The following NCAM2 variants were observed in gnomAD, a reference collection of about 807,000 sequenced individuals.
NCAM2 encodes neural cell adhesion molecule 2, also known as N-CAM-2.
In NCAM2, 30 loss-of-function variants were observed where a neutral mutation model predicts 98.1. That is an observed-to-expected ratio of 0.31 (90% confidence interval 0.23 to 0.41). NCAM2 has a LOEUF of 0.41. NCAM2 is among the 10% of genes least tolerant of loss of function. NCAM2 has a pLI of 1.00. For synonymous variants in NCAM2, 368 were observed against 342.4 expected, an observed-to-expected ratio of 1.07 and a Z score of -0.83; for missense variants, 867 against 1,005.8, an observed-to-expected ratio of 0.86 and a Z score of 1.87.
chr21:21,480,163 G>C (rs1346677519), intron 15 of NCAM2, among the ~76,000 whole-genome samples: 4 of 151,792 alleles, frequency 2.6e-5, no homozygotes, highest in Non-Finnish European at 5.9e-5. Flanking sequence ...TCAGGAGATC[G>C]AGACCATCCT....
At chr21:21,364,250 T>C (rs1444616686) in intron 8 of NCAM2, among the ~76,000 whole-genome samples, 2 of 151,958 alleles carry the variant, frequency 1.3e-5, no homozygotes, top group African/African-American at 4.8e-5. Context: ...TTCCAATAAA[T>C]ATAGGCATAT....
At position 21,150,141 on chromosome 21, in the gene NCAM2, A is replaced by T. The variant is rs186748734; in HGVS notation, c.56-130437A>T. ...AAATATTTTGTGTTTTTATTACTGT[A>T]AATGGTATTGTGTTTATAGCAAAGG... On this transcript the variant is annotated intron_variant, in intron 1 of 17. Transcript: ENST00000400546. Among the ~76,000 whole-genome samples, 9 of 152,290 alleles carry T rather than the reference A, an allele frequency of 5.9e-5. No homozygotes were observed. The East Asian group carries it at 1.7e-3, about 29-fold the overall frequency.
chr21:21,237,382 G>A (rs2070873804), intron 1 of NCAM2, among the ~76,000 whole-genome samples: 2 of 152,010 alleles, frequency 1.3e-5, no homozygotes, highest in South Asian at 4.2e-4. Flanking sequence ...AAAACTCTGG[G>A]CAGGTTTAAA....
intron 1 of NCAM2, among the ~76,000 whole-genome samples, chr21:21,058,267 G>A (rs951757375): frequency 4.0e-5 from 6 of 151,576 alleles, no homozygotes; most frequent in African/African-American, 1.2e-4. Context: ...ATTAAAGTTC[G>A]AAATACTGGG....
chr21:21,532,069 T>G (rs896750335), intron 16 of NCAM2, among the ~76,000 whole-genome samples: 1 of 151,888 alleles, frequency 6.6e-6, no homozygotes, highest in Non-Finnish European at 1.5e-5. Context: ...GTGTTTCAAA[T>G]ATAGCCAACC....
intron 12 of NCAM2, among the ~76,000 whole-genome samples, chr21:21,460,339 G>T (rs1456270699): frequency 6.6e-6 from 1 of 151,880 alleles, no homozygotes; most frequent in Non-Finnish European, 1.5e-5. Context: ...AAACTCTGAT[G>T]CTTAGTGGCT....
chr21:21,296,566 A>G (rs893702332), intron 5 of NCAM2, among the ~76,000 whole-genome samples: 3 of 151,820 alleles, frequency 2.0e-5, no homozygotes, highest in Non-Finnish European at 4.4e-5. Context: ...ATGACCATCG[A>G]TGCTTTATTA....
At chr21:21,074,533 A>G (rs1384205741) in intron 1 of NCAM2, among the ~76,000 whole-genome samples, 1 of 152,174 alleles carries the variant, frequency 6.6e-6, no homozygotes, top group Non-Finnish European at 1.5e-5. Context: ...ATCAGGTGGA[A>G]AGGGATCTCC....
In NCAM2 at chr21:21,283,480, T is replaced by C. The variant is rs371466222; in HGVS notation, c.131-714T>C. Among the ~76,000 whole-genome samples the C allele has an allele frequency of 2.5e-4, 38 of 152,060 alleles. No individual in the cohort carries two copies. The South Asian group carries it at 7.7e-3, about 31-fold the overall frequency. ...GGAAAACTTAAATAAATGTTTACCC[T>C]GTAATGATTTGGTTGTAATTACCTA... On this transcript the variant is annotated intron_variant, in intron 2 of 17. Coordinates refer to ENST00000400546, the MANE Select transcript of NCAM2 (RefSeq NM_004540.5).
intron 1 of NCAM2, among the ~76,000 whole-genome samples, chr21:21,081,656 C>G (rs1479179586): frequency 6.6e-6 from 1 of 151,762 alleles, no homozygotes. Context: ...CAAAACGTAG[C>G]CAGGCGTGGC....
chr21:21,171,658 T>C lies in NCAM2; in HGVS notation c.56-108920T>C, dbSNP rs567015826. On this transcript the variant is annotated intron_variant, in intron 1 of 17. Transcript: ENST00000400546. ...AAGAAAATATTTGATGCTACCATTTTTCGAGGTCAGTAGGCATCTGACAAG... is the reference window on the plus strand; with the variant it reads ...AAGAAAATATTTGATGCTACCATTTCTCGAGGTCAGTAGGCATCTGACAAG... Among the ~76,000 whole-genome samples, 9 of 152,298 alleles carry C rather than the reference T, an allele frequency of 5.9e-5. No individual in the cohort carries two copies. In the East Asian group the frequency reaches 1.4e-3, roughly 23 times the overall value.
chr21:21,190,997 A>G (rs992460011), intron 1 of NCAM2, among the ~76,000 whole-genome samples: 2 of 152,208 alleles, frequency 1.3e-5, no homozygotes, highest in Non-Finnish European at 2.9e-5. Context: ...TACATACAGT[A>G]TTTATTAGAT....
At chr21:21,333,766 A>G (rs2074779203) in intron 6 of NCAM2, among the ~76,000 whole-genome samples, 4 of 152,038 alleles carry the variant, frequency 2.6e-5, no homozygotes, top group Admixed American at 2.6e-4. Flanking sequence ...TATTATTATT[A>G]TTATTAGGAA....
chr21:21,462,050 T>C (rs1983048115), intron 12 of NCAM2, among the ~76,000 whole-genome samples: 1 of 152,090 alleles, frequency 6.6e-6, no homozygotes, highest in South Asian at 2.1e-4. Flanking sequence ...TTTAATTGTT[T>C]ACAGATCAAA....
intron 16 of NCAM2, among the ~76,000 whole-genome samples, chr21:21,521,140 C>G (rs1486531825): frequency 1.3e-5 from 2 of 152,104 alleles, no homozygotes; most frequent in Admixed American, 1.3e-4. Context: ...CACCACCCGG[C>G]TCTATGTTTC....
rs1989627974 is a variant in NCAM2 at position 21,530,465 on chromosome 21, C to A, written c.2283-4072C>A. On this transcript the variant is annotated intron_variant, in intron 16 of 17. Coordinates refer to ENST00000400546, the MANE Select transcript of NCAM2 (RefSeq NM_004540.5). ...AATCAATACTGATCCTATTTGCTGCCTCATACATAAGCATTAATATTTTTT... is the reference window on the plus strand; with the variant it reads ...AATCAATACTGATCCTATTTGCTGCATCATACATAAGCATTAATATTTTTT... Among the ~76,000 whole-genome samples the A allele has an allele frequency of 2.0e-5, 3 of 150,082 alleles. No homozygotes were observed. In the South Asian group the frequency reaches 6.3e-4, roughly 32 times the overall value.
In NCAM2 at chr21:21,255,750, G is replaced by A. The variant is rs115143178; in HGVS notation, c.56-24828G>A. ...TCTAAATATTTGTTAAATAAACATG[G>A]CCCAACTTAGTTGGTATAGGCTGAG... On this transcript the variant is annotated intron_variant, in intron 1 of 17. Transcript: ENST00000400546. 3.8e-3 allele frequency among the ~76,000 whole-genome samples: 577 copies of A among 152,186 alleles called. 4 individuals are homozygous for A. The highest frequency in any genetic ancestry group is 0.013 in the African/African-American group (520 of 41,520).
At chr21:21,455,294 G>T (rs1031718791) in intron 12 of NCAM2, among the ~76,000 whole-genome samples, 1 of 150,672 alleles carries the variant, frequency 6.6e-6, no homozygotes. Context: ...AAAGTTATTG[G>T]AATAATATGA....
Position 21,324,403 on chromosome 21 carries a change from C to G in NCAM2, c.640C>G (p.Pro214Ala), listed in dbSNP as rs1314253660. 2.5e-6 allele frequency: 4 copies of G among 1,613,052 alleles called. No homozygotes were observed. The Admixed American group carries it at 6.7e-5, about 27-fold the overall frequency. ...TTCAGTGCCGCCAGCAATCTCAATG[C>G]CTCAGAAATCTTTTAATGCCACAGC... Reference protein sequence around the residue: ...IVNVPPAISMPQKSFNATAER... With the variant: ...IVNVPPAISMAQKSFNATAER... Residue 214 changes from proline to alanine, a missense_variant, in exon 6 of 18, where the codon CCT (proline) becomes GCT (alanine). By Grantham distance (27) the Pro-to-Ala change is conservative. Around this residue, in one of 5 missense-constraint regions of NCAM2, gnomAD observed 447 missense variants for 495.7 expected, o/e 0.90. Coordinates refer to ENST00000400546, the MANE Select transcript of NCAM2 (RefSeq NM_004540.5).
Sources: gnomAD v4.1 joint callset for allele counts (sites outside exome capture counted in the v4.1 genomes callset) on GRCh38, gnomAD v4.1.1 for gene constraint, gnomAD v4.1.1 regional missense constraint, MANE v1.5 for transcripts, NCBI Gene and HGNC (gene_info 2026-07-23, HGNC 2026-07-21) for gene names.